Variants in SRPRB observed in about 807,000 individuals in gnomAD.
The protein encoded by SRPRB is signal recognition particle receptor subunit beta.
SRPRB carries 20 observed loss-of-function variants against 31.9 expected under a neutral mutation model. The ratio of observed to expected loss-of-function variants is 0.63; its 90% CI spans 0.44 to 0.91. The LOEUF (loss-of-function observed/expected upper bound fraction) is 0.91, where lower values mean the gene tolerates loss of function less well. SRPRB is among the 40% of genes least tolerant of loss of function. The pLI is 0.00. For missense variants in SRPRB, 321 were observed against 324.9 expected, an observed-to-expected ratio of 0.99 and a Z score of 0.09; for synonymous variants, 146 against 132.8, an observed-to-expected ratio of 1.10 and a Z score of -0.68.
At chr3:133,801,169 G>A (rs758110043), upstream of SRPRB, among the ~76,000 whole-genome samples, 18 of 152,278 alleles carry the variant, frequency 1.2e-4, no homozygotes, top group Non-Finnish European at 2.4e-4. Flanking sequence ...TTTGGGGAGC[G>A]GATGGAAGAA....
chr3:133,805,473 AG>A (rs1935132283), upstream of SRPRB: 1 of 172,648 alleles, frequency 5.8e-6, no homozygotes, highest in Non-Finnish European at 1.2e-5. Context: ...AAATGTTTGT[AG>A]GATGCTTGAG....
chr3:133,787,877 G>T (rs745862839), intron 1 of SRPRB: 9 of 152,178 alleles, frequency 5.9e-5, no homozygotes, highest in Non-Finnish European at 1.3e-4. Flanking sequence ...AACACATTTT[G>T]TACACTTTGT....
At chr3:133,822,389 A>G (rs919992259), downstream of SRPRB, among the ~76,000 whole-genome samples, 4 of 152,200 alleles carry the variant, frequency 2.6e-5, no homozygotes, top group Non-Finnish European at 4.4e-5. Flanking sequence ...TCTGGAATGG[A>G]ATCTCCCTAG....
At position 133,815,591 on chromosome 3, in the gene SRPRB, G is replaced by T. The variant is rs751747440; in HGVS notation, c.412G>T (p.Ala138Ser). Residue 138 changes from alanine to serine, a missense_variant and splice_region_variant, in exon 5 of 7, where the codon GCT (alanine) becomes TCT (serine). Transcript: ENST00000678299. ...FLERFKSSARAIVFVVDSAAF... is the reference protein window; with the variant it reads ...FLERFKSSARSIVFVVDSAAF... ...GTTTTTCTTGTTTTCTCCCTCCAGG[G>T]CTATTGTGTTTGTTGTGGATAGTGC... is the stretch of plus-strand genomic sequence containing the variant. The T allele has an allele frequency of 6.2e-7, 1 of 1,613,714 alleles. No individual in the cohort carries two copies. Among genetic ancestry groups the T allele is most frequent in the Non-Finnish European group, 8.5e-7 (1 of 1,179,914 alleles).
downstream of SRPRB, chr3:133,827,807 G>A: frequency 2.9e-6 from 1 of 343,042 alleles, no homozygotes; most frequent in Non-Finnish European, 5.8e-6. Flanking sequence ...CAGCTTCCCT[G>A]ACATCCAGGA....
chr3:133,806,568 C>A, intron 1 of SRPRB, 41 bp from the exon 2 acceptor site: 1 of 1,543,140 alleles, frequency 6.5e-7, no homozygotes, highest in South Asian at 1.1e-5. Flanking sequence ...TACTGATTCC[C>A]AAGGCGTAAT....
chr3:133,792,215 T>C (rs1229816752), intron 1 of SRPRB: 3 of 152,230 alleles, frequency 2.0e-5, no homozygotes, highest in Non-Finnish European at 4.4e-5. Context: ...AAGGAGATTT[T>C]ATATAAGAAA....
intron 1 of SRPRB, among the ~76,000 whole-genome samples, chr3:133,796,991 C>T (rs1276357150): frequency 6.6e-6 from 1 of 152,084 alleles, no homozygotes; most frequent in East Asian, 1.9e-4. Context: ...GACTGTTGTC[C>T]CTTATATCTG....
chr3:133,824,125 T>C (rs16841004), downstream of SRPRB: 28,162 of 152,236 alleles, frequency 0.18, 3,553 homozygotes, highest in East Asian at 0.4. Context: ...CTTTAGGTAG[T>C]GGACATACCA....
At position 133,819,043 on chromosome 3, in the gene SRPRB, T is replaced by C. The variant is rs377266819; in HGVS notation, c.603-510T>C. The stretch of plus-strand genomic sequence containing the variant: ...GCAGGTGGCAGTAAGGGGACTTACA[T>C]TGGGAAGGTTTTGGTGGTTAAAGAG... On this transcript the variant is annotated intron_variant, in intron 6 of 6. Coordinates refer to ENST00000678299, the MANE Select transcript of SRPRB (RefSeq NM_001379313.1). 1.6e-4 allele frequency among the ~76,000 whole-genome samples: 24 copies of C among 152,198 alleles called. No individual in the cohort carries two copies. The East Asian group carries it at 1.9e-3, about 12-fold the overall frequency.
intron 6 of SRPRB, among the ~76,000 whole-genome samples, chr3:133,819,057 G>A (rs925184552): frequency 1.3e-5 from 2 of 152,194 alleles, no homozygotes; most frequent in African/African-American, 4.8e-5. Context: ...GAAGGTTTTG[G>A]TGGTTAAAGA....
chr3:133,806,765 C>T (rs1169523147), intron 2 of SRPRB, 62 bp downstream of exon 2: 1 of 1,222,792 alleles, frequency 8.2e-7, no homozygotes, highest in Non-Finnish European at 1.2e-6. Context: ...TCCCAGTATT[C>T]CTGTCATCTC....
intron 3 of SRPRB, among the ~76,000 whole-genome samples, chr3:133,808,425 G>GT (rs1935200967): frequency 6.6e-6 from 1 of 151,872 alleles, no homozygotes; most frequent in African/African-American, 2.4e-5. Flanking sequence ...GTACCATCTG[G>GT]TTGGTTTATG....
rs75563825 is a variant in SRPRB, at chr3:133,813,873, G to C, written c.411-1717G>C. Among the ~76,000 whole-genome samples, 798 of 152,338 alleles carry C rather than the reference G, an allele frequency of 5.2e-3. 4 individuals carry two copies. Among genetic ancestry groups the C allele is most frequent in the Non-Finnish European group, 8.5e-3 (575 of 68,028 alleles). ...GGGGCCATAGGGCTTCAATAAGTCT[G>C]GCCCAATTTTTATGTAAGCCTTTCC... On this transcript the variant is annotated intron_variant, in intron 4 of 6. Coordinates refer to ENST00000678299, the MANE Select transcript of SRPRB (RefSeq NM_001379313.1).
chr3:133,796,490 G>A (rs1934975778), intron 1 of SRPRB: 1 of 152,168 alleles, frequency 6.6e-6, no homozygotes, highest in Admixed American at 6.5e-5. Flanking sequence ...TATTTACATA[G>A]GGCATACACT....
At chr3:133,822,331 A>G (rs11710936), downstream of SRPRB, among the ~76,000 whole-genome samples, 28,529 of 151,956 alleles carry the variant, frequency 0.19, 3,661 homozygotes, top group East Asian at 0.44. Flanking sequence ...ATGGAGGGGC[A>G]GCTGTGATGA....
upstream of SRPRB, among the ~76,000 whole-genome samples, chr3:133,802,040 G>A (rs1468755177): frequency 2.0e-5 from 3 of 152,184 alleles, no homozygotes; most frequent in Non-Finnish European, 4.4e-5. Flanking sequence ...TATCCTTGGG[G>A]AGGTTACTCA....
downstream of SRPRB, among the ~76,000 whole-genome samples, chr3:133,821,964 G>A (rs571200016): frequency 5.8e-4 from 89 of 152,246 alleles, 1 homozygote; most frequent in African/African-American, 2.0e-3. Context: ...CAGGCATTCC[G>A]TTCTTGTGGC....
chr3:133,800,609 T>G (rs1449767661), intron 1 of SRPRB, among the ~76,000 whole-genome samples: 1 of 152,242 alleles, frequency 6.6e-6, no homozygotes, highest in Admixed American at 6.5e-5. Context: ...AAATCCTAAA[T>G]GGTGCCTCTA....
Sources: allele counts gnomAD v4.1 joint callset (sites outside exome capture counted in the v4.1 genomes callset), GRCh38; gene constraint gnomAD v4.1.1; transcripts MANE v1.5; gene names NCBI Gene and HGNC (gene_info 2026-07-23, HGNC 2026-07-21).